SLC35F1: variants seen among roughly 807,000 people sequenced by gnomAD.
SLC35F1 encodes solute carrier family 35 member F1, also known as chromosome 6 open reading frame 169.
Under a neutral mutation model 48.7 loss-of-function variants are expected in SLC35F1, and 14 were observed. The ratio of observed to expected loss-of-function variants is 0.29; its 90% CI spans 0.19 to 0.45. The LOEUF is 0.45. Among genes scored for constraint, SLC35F1 ranks in the 20% least tolerant of loss-of-function variants. The pLI, the probability that SLC35F1 is intolerant of heterozygous loss-of-function variation, is 1.00. For missense variants in SLC35F1, 404 were observed against 500.0 expected, an observed-to-expected ratio of 0.81 and a Z score of 1.83; for synonymous variants, 190 against 202.2, an observed-to-expected ratio of 0.94 and a Z score of 0.51.
chr6:117,942,590 CATATT>C (rs1481423207), intron 1 of SLC35F1, among the ~76,000 whole-genome samples: 2 of 152,142 alleles, frequency 1.3e-5, no homozygotes, highest in Non-Finnish European at 2.9e-5. Flanking sequence ...AATAATTTAA[CATATT>C]ATTCAACTTT....
intron 1 of SLC35F1, among the ~76,000 whole-genome samples, chr6:117,941,637 G>A (rs188300957): frequency 1.3e-5 from 2 of 152,272 alleles, no homozygotes; most frequent in Non-Finnish European, 2.9e-5. Flanking sequence ...TTTGCCTTTG[G>A]AGATTATTGA....
At chr6:118,071,781 G>T (rs757524128) in intron 1 of SLC35F1, among the ~76,000 whole-genome samples, 18 of 152,116 alleles carry the variant, frequency 1.2e-4, no homozygotes, top group Non-Finnish European at 8.8e-5. Context: ...TATGGCTGAG[G>T]AGTCTGATGT....
chr6:118,289,942 TAACCATGGCGATGTTG>T (rs1419439638), intron 7 of SLC35F1, among the ~76,000 whole-genome samples: 1 of 152,190 alleles, frequency 6.6e-6, no homozygotes, highest in African/African-American at 2.4e-5. Flanking sequence ...CAGGCTTCCT[TAACCATGGCGATGTTG>T]ATATTTTAGA....
chr6:118,140,542 A>C (rs1582689290), intron 1 of SLC35F1, among the ~76,000 whole-genome samples: 3 of 151,788 alleles, frequency 2.0e-5, no homozygotes, highest in Admixed American at 2.0e-4. Flanking sequence ...TAAACATGTT[A>C]TTGGTTTATG....
At chr6:118,063,570 T>G (rs534693986) in intron 1 of SLC35F1, among the ~76,000 whole-genome samples, 4 of 152,312 alleles carry the variant, frequency 2.6e-5, no homozygotes, top group African/African-American at 9.6e-5. Context: ...AAAGCCATCT[T>G]CCACCCCCAA....
chr6:118,213,097 A>G (rs571470562), intron 2 of SLC35F1, among the ~76,000 whole-genome samples: 1 of 152,312 alleles, frequency 6.6e-6, no homozygotes, highest in Non-Finnish European at 1.5e-5. Flanking sequence ...AAATTTAACA[A>G]TGCATAAGTA....
intron 1 of SLC35F1, among the ~76,000 whole-genome samples, chr6:117,942,495 C>A (rs1010344865): frequency 6.6e-6 from 1 of 152,184 alleles, no homozygotes; most frequent in Admixed American, 6.5e-5. Flanking sequence ...CTATACAGAA[C>A]AGCTAAATTT....
At chr6:118,052,139 C>G (rs1296275413) in intron 1 of SLC35F1, among the ~76,000 whole-genome samples, 1 of 152,096 alleles carries the variant, frequency 6.6e-6, no homozygotes, top group Non-Finnish European at 1.5e-5. Context: ...GGCCTTTCAA[C>G]TCCAGATATG....
intron 1 of SLC35F1, among the ~76,000 whole-genome samples, chr6:118,136,480 G>C (rs868721036): frequency 1.4e-4 from 22 of 152,068 alleles, no homozygotes; most frequent in Middle Eastern, 3.2e-3. Flanking sequence ...ATTTCTTTTA[G>C]TTTCCAATTT....
At chr6:117,924,518 A>ATATACGTATATACATATG (rs1554216934) in intron 1 of SLC35F1, among the ~76,000 whole-genome samples, 676 of 64,462 alleles carry the variant, frequency 0.01, 73 homozygotes, top group African/African-American at 0.036. Context: ...ATATACATAT[A>ATATACGTATATACATATG]TATATGTCAA....
chr6:117,979,818 G>A (rs1776752909), intron 1 of SLC35F1, among the ~76,000 whole-genome samples: 1 of 152,054 alleles, frequency 6.6e-6, no homozygotes, highest in Non-Finnish European at 1.5e-5. Context: ...TGTATCCATG[G>A]GATCCAGCTG....
chr6:118,309,876 A>G (rs1776353420), intron 7 of SLC35F1, among the ~76,000 whole-genome samples: 1 of 152,242 alleles, frequency 6.6e-6, no homozygotes, highest in South Asian at 2.1e-4. Flanking sequence ...TCCATCCTCC[A>G]AGCCACCTCG....
Position 117,923,605 on chromosome 6 carries a change from A to ACATATATG in SLC35F1, c.173+15706_173+15707insCATATATG, listed in dbSNP as rs869140351. ...TGTGTATATATACATATGTGTATAT[A>ACATATATG]TACATATACATATGTATATATACAT... On this transcript the variant is annotated intron_variant, in intron 1 of 7. Transcript: ENST00000360388. 1.7e-4 allele frequency among the ~76,000 whole-genome samples: 4 copies of ACATATATG among 23,212 alleles called. 1 individual carries two copies. Among genetic ancestry groups the ACATATATG allele is most frequent in the East Asian group, 1.7e-3 (1 of 588 alleles). The allele number at this position is 23,212 out of a possible 152,430, so 15.2% of individuals were successfully genotyped here.
chr6:117,932,445 A>G (rs1462264659), intron 1 of SLC35F1, among the ~76,000 whole-genome samples: 3 of 152,226 alleles, frequency 2.0e-5, no homozygotes, highest in South Asian at 2.1e-4. Flanking sequence ...TTTAGTGTCT[A>G]TTCTCTTAAC....
At chr6:118,062,308 T>C (rs1198206304) in intron 1 of SLC35F1, among the ~76,000 whole-genome samples, 2 of 152,208 alleles carry the variant, frequency 1.3e-5, no homozygotes, top group Non-Finnish European at 2.9e-5. Flanking sequence ...AAAGATTAAA[T>C]GGACTTTTAA....
intron 1 of SLC35F1, among the ~76,000 whole-genome samples, chr6:118,103,800 G>A (rs750916383): frequency 6.6e-6 from 1 of 152,072 alleles, no homozygotes; most frequent in African/African-American, 2.4e-5. Context: ...CCAGATGATT[G>A]TTCAGGCAAC....
chr6:118,085,128 A>G (rs928601081), intron 1 of SLC35F1, among the ~76,000 whole-genome samples: 2 of 152,102 alleles, frequency 1.3e-5, no homozygotes, highest in African/African-American at 2.4e-5. Context: ...TCACCCCACC[A>G]ACTCTCTTCT....
At chr6:118,079,960 C>T (rs550838587) in intron 1 of SLC35F1, among the ~76,000 whole-genome samples, 4 of 152,166 alleles carry the variant, frequency 2.6e-5, no homozygotes, top group Non-Finnish European at 5.9e-5. Flanking sequence ...TGTAGAAAAG[C>T]ATGTCCATAT....
At chr6:118,287,278 G>A (rs566038354) in intron 7 of SLC35F1, among the ~76,000 whole-genome samples, 159 of 152,238 alleles carry the variant, frequency 1.0e-3, no homozygotes, top group Non-Finnish European at 1.7e-3. Flanking sequence ...CAGCAGAGTG[G>A]CCACCAATAT....
Sources: allele counts gnomAD v4.1 joint callset (sites outside exome capture counted in the v4.1 genomes callset), GRCh38; gene constraint gnomAD v4.1.1; transcripts MANE v1.5; gene names NCBI Gene and HGNC (gene_info 2026-07-23, HGNC 2026-07-21).